INPP5D: variants seen among roughly 807,000 people sequenced by gnomAD.
INPP5D encodes inositol polyphosphate-5-phosphatase D.
A neutral mutation model predicts 122.9 loss-of-function variants in INPP5D; 33 were observed. The ratio of observed to expected loss-of-function variants is 0.27; its 90% confidence interval spans 0.20 to 0.36. The LOEUF is 0.36. Among genes scored for constraint, INPP5D ranks in the 10% least tolerant of loss-of-function variants. The probability of loss-of-function intolerance (pLI) is 1.00; values close to 1 mark genes in which losing one functional copy is unlikely to be tolerated. For missense variants in INPP5D, 1,053 were observed against 1,412.7 expected, an observed-to-expected ratio of 0.75 and a Z score of 4.08; for synonymous variants, 584 against 576.2, an observed-to-expected ratio of 1.01 and a Z score of -0.19.
intron 2 of INPP5D, among the ~76,000 whole-genome samples, chr2:233,108,015 G>A (rs900387207): frequency 6.6e-6 from 1 of 152,152 alleles, no homozygotes; most frequent in African/African-American, 2.4e-5. Flanking sequence ...ACCTTGCCCA[G>A]AGATAGCCAG....
chr2:233,160,514 A>T lies in INPP5D; in HGVS notation c.1138-1210A>T, dbSNP rs1386157889. The stretch of plus-strand genomic sequence containing the variant: ...TCCTTGGTGAAGACGTGGCAAACAC[A>T]AACAAGCAAATGTTTAAAATAAAAA... On this transcript the variant is annotated intron_variant, in intron 10 of 26. Transcript: ENST00000445964. The surrounding 1 kb of genome is among the most constrained non-coding windows in gnomAD (Gnocchi z 4.2). Among the ~76,000 whole-genome samples the T allele has an allele frequency of 6.6e-6, 1 of 152,244 alleles. No homozygotes were observed. The highest frequency in any genetic ancestry group is 1.5e-5 in the Non-Finnish European group (1 of 68,044).
chr2:233,064,124 C>T (rs1268753975), intron 1 of INPP5D, among the ~76,000 whole-genome samples: 1 of 152,294 alleles, frequency 6.6e-6, no homozygotes, highest in East Asian at 1.9e-4. Flanking sequence ...ATAGGCTGCC[C>T]TCTCTGCAGG....
rs182128489 is a variant in INPP5D at position 233,180,538 on chromosome 2, T to G, written c.2072-1872T>G. 6.9e-3 allele frequency among the ~76,000 whole-genome samples: 1,057 copies of G among 152,158 alleles called. 3 individuals are homozygous for G. Among genetic ancestry groups the G allele is most frequent in the Non-Finnish European group, 9.9e-3 (672 of 68,004 alleles). ...CTTGCCTGTGTCCAGTTTTTTGTTTTTTTTGTTTTGTTTTGTTTTTTGAGA... is the reference window on the plus strand; with the variant it reads ...CTTGCCTGTGTCCAGTTTTTTGTTTGTTTTGTTTTGTTTTGTTTTTTGAGA... On this transcript the variant is annotated intron_variant, in intron 18 of 26. Transcript: ENST00000445964.
At chr2:233,072,761 T>C (rs1559274005) in intron 1 of INPP5D, among the ~76,000 whole-genome samples, 1 of 152,270 alleles carries the variant, frequency 6.6e-6, no homozygotes, top group Non-Finnish European at 1.5e-5. Flanking sequence ...CAATCATGCA[T>C]AGTTTTGTAT....
In INPP5D at chr2:233,177,107, T is replaced by C. The variant is rs1375714185; in HGVS notation, c.1990-158T>C. On this transcript the variant is annotated intron_variant, in intron 17 of 26. Coordinates refer to ENST00000445964, the MANE Select transcript of INPP5D (RefSeq NM_001017915.3). The surrounding 1 kb of genome is among the most constrained non-coding windows in gnomAD (Gnocchi z 4.2). ...GGCAGTGGAGTCTGGACTTGAGCCATGTGAAAAAAGTTTAAAGCCACCTAC... is the reference window on the plus strand; with the variant it reads ...GGCAGTGGAGTCTGGACTTGAGCCACGTGAAAAAAGTTTAAAGCCACCTAC... Among the ~76,000 whole-genome samples, 1 of 152,074 alleles carries C rather than the reference T, an allele frequency of 6.6e-6. No homozygotes were observed. Among genetic ancestry groups the C allele is most frequent in the Non-Finnish European group, 1.5e-5 (1 of 68,010 alleles).
intron 4 of INPP5D, among the ~76,000 whole-genome samples, chr2:233,126,294 C>T (rs992163775): frequency 4.1e-4 from 63 of 152,158 alleles, no homozygotes; most frequent in Non-Finnish European, 8.2e-4. Context: ...GCTCCATTGC[C>T]CCCCAAAGAA....
In INPP5D at chr2:233,195,495, G is replaced by C; in HGVS notation, c.2693G>C (p.Arg898Thr). 1 of 1,613,614 alleles carries C rather than the reference G, an allele frequency of 6.2e-7. No homozygotes were observed. Among genetic ancestry groups the C allele is most frequent in the Non-Finnish European group, 8.5e-7 (1 of 1,179,820 alleles). Reference sequence around the variant, plus strand: ...ATGAAGCAGTGGGAAGTCACTAGCAGGTAAAGTGGGCGTGGGGTGGGTGTT... The same window carrying C: ...ATGAAGCAGTGGGAAGTCACTAGCACGTAAAGTGGGCGTGGGGTGGGTGTT... ...DPMKQWEVTS[R>T]APPCSGSSIT... is the part of the protein sequence containing the mutation. The change falls in exon 24 of 27, where the codon AGG becomes ACG. Residue 898 changes from arginine (R) to threonine (T), a missense_variant and splice_region_variant. By Grantham distance (71) the Arg-to-Thr change is moderately conservative. Coordinates refer to ENST00000445964, the MANE Select transcript of INPP5D (RefSeq NM_001017915.3).
rs139985880 is a variant in INPP5D at position 233,177,597 on chromosome 2, G to A, written c.2071+251G>A. Among the ~76,000 whole-genome samples the A allele has an allele frequency of 2.4e-4, 36 of 151,940 alleles. No homozygotes were observed. Among genetic ancestry groups the A allele is most frequent in the East Asian group, 1.7e-3 (9 of 5,182 alleles). On this transcript the variant is annotated intron_variant, in intron 18 of 26. Coordinates refer to ENST00000445964, the MANE Select transcript of INPP5D (RefSeq NM_001017915.3). This position sits in a 1 kb window ranked among gnomAD's most constrained non-coding sequence, Gnocchi z 4.2. ...CTTTTTTTCTTTTTCTTTTTGAGAC[G>A]GAGTCTCACTCTGTCACCCAGGCTG...
chr2:233,137,863 T>TATAC (rs1693521909), intron 5 of INPP5D, among the ~76,000 whole-genome samples: 1 of 25,564 alleles, frequency 3.9e-5, no homozygotes, highest in African/African-American at 1.5e-4. Context: ...AATATATATA[T>TATAC]ATATATATAT....
At position 233,204,480 on chromosome 2, in the gene INPP5D, C is replaced by A. The variant is rs1695429623; in HGVS notation, c.3330C>A (p.Val1110=). The A allele has an allele frequency of 1.1e-5, 17 of 1,586,868 alleles. No individual in the cohort carries two copies. The highest frequency in any genetic ancestry group is 2.3e-5 in the East Asian group (1 of 43,252). ...GCCAAGGGAAGCCCAAGACCCCGGT[C>A]AGCTCCCAGGCCCCGGTGCCGGCCA... ...DKSQGKPKTP[V]SSQAPVPAKR... is the part of the protein sequence containing the mutation. Residue 1110 remains valine (V), a synonymous_variant, in exon 26 of 27, where the codon GTC becomes GTA. Transcript: ENST00000445964.
chr2:233,066,310 T>C (rs1204635949), intron 1 of INPP5D, among the ~76,000 whole-genome samples: 2 of 152,214 alleles, frequency 1.3e-5, no homozygotes, highest in Admixed American at 6.5e-5. Flanking sequence ...AACCCTTGCG[T>C]CATGATGACA....
chr2:233,119,349 T>G (rs1692898012), intron 2 of INPP5D, among the ~76,000 whole-genome samples: 2 of 152,224 alleles, frequency 1.3e-5, no homozygotes, highest in Admixed American at 1.3e-4. Context: ...GTCTGACACT[T>G]TTCACGACTG....
chr2:233,180,085 C>T (rs549434237), intron 18 of INPP5D, among the ~76,000 whole-genome samples: 2 of 152,232 alleles, frequency 1.3e-5, no homozygotes, highest in African/African-American at 2.4e-5. Flanking sequence ...TTCTTAGCTT[C>T]CTGGTCTCAG....
intron 2 of INPP5D, among the ~76,000 whole-genome samples, chr2:233,106,282 TG>T (rs2106238771): frequency 6.6e-6 from 1 of 152,298 alleles, no homozygotes; most frequent in African/African-American, 2.4e-5. Flanking sequence ...TGAACCAGGC[TG>T]GACTCCAGGT....
intron 2 of INPP5D, among the ~76,000 whole-genome samples, chr2:233,098,786 AC>A (rs1235873995): frequency 6.6e-6 from 1 of 151,990 alleles, no homozygotes; most frequent in Non-Finnish European, 1.5e-5. Context: ...TGACCCTCCC[AC>A]CGGGCGCCCC....
intron 21 of INPP5D, among the ~76,000 whole-genome samples, chr2:233,187,366 G>A (rs1694947450): frequency 6.6e-6 from 1 of 152,190 alleles, no homozygotes; most frequent in Admixed American, 6.5e-5. Flanking sequence ...TCCCAGGCCA[G>A]GCAGATCCAT....
chr2:233,086,119 C>CTCTTTCTTTCTTTCTTTCTTCCTT (rs1691826712), intron 2 of INPP5D, among the ~76,000 whole-genome samples: 9 of 93,828 alleles, frequency 9.6e-5, no homozygotes, highest in Admixed American at 1.2e-4. Flanking sequence ...ATAAGATAGC[C>CTCTTTCTTTCTTTCTTTCTTCCTT]TCTTTCTTTC....
Position 233,082,824 on chromosome 2 carries a change from CG to C in INPP5D, c.198+3428del, listed in dbSNP as rs1393811805. 6.6e-6 allele frequency among the ~76,000 whole-genome samples: 1 copy of C among 152,214 alleles called. No individual in the cohort carries two copies. Among genetic ancestry groups the C allele is most frequent in the East Asian group, 1.9e-4 (1 of 5,198 alleles). ...TAAATATGAGTGTTGCTGAGAACTG[CG>C]GAAGTTGGAACTCACAGCCAGGCCT... On this transcript the variant is annotated intron_variant, in intron 2 of 26. Coordinates refer to ENST00000445964, the MANE Select transcript of INPP5D (RefSeq NM_001017915.3). The surrounding 1 kb of genome is among the most constrained non-coding windows in gnomAD (Gnocchi z 4.7).
At chr2:233,186,792 G>A (rs1053443560) in intron 21 of INPP5D, among the ~76,000 whole-genome samples, 3 of 116,874 alleles carry the variant, frequency 2.6e-5, no homozygotes, top group East Asian at 2.9e-4. Context: ...GCATGATCTC[G>A]GCTCACTGCA....
Sources: allele counts gnomAD v4.1 joint callset (sites outside exome capture counted in the v4.1 genomes callset), GRCh38; gene constraint gnomAD v4.1.1; non-coding constraint Gnocchi (gnomAD v3.1); transcripts MANE v1.5; gene names NCBI Gene and HGNC (gene_info 2026-07-23, HGNC 2026-07-21).